MAGI2: variants seen among roughly 807,000 people sequenced by gnomAD.
The protein encoded by MAGI2 is membrane-associated guanylate kinase, WW and PDZ domain-containing protein 2.
In MAGI2, 35 loss-of-function variants were observed where a neutral mutation model predicts 133.3. That is an observed-to-expected ratio of 0.26 (90% CI 0.20 to 0.35). The LOEUF (loss-of-function observed/expected upper bound fraction) is 0.35, where lower values mean the gene tolerates loss of function less well. MAGI2 is among the 10% of genes least tolerant of loss of function. MAGI2 has a pLI of 1.00. For missense variants in MAGI2, 1,636 were observed against 1,863.4 expected, an observed-to-expected ratio of 0.88 and a Z score of 2.25; for synonymous variants, 729 against 710.6, an observed-to-expected ratio of 1.03 and a Z score of -0.41.
chr7:78,562,585 T>C (rs1800521671), intron 3 of MAGI2, among the ~76,000 whole-genome samples: 1 of 151,370 alleles, frequency 6.6e-6, no homozygotes, highest in Non-Finnish European at 1.5e-5. Context: ...ATCATCATGA[T>C]TCATTCTTTT....
At chr7:78,686,466 C>T (rs78400113) in intron 2 of MAGI2, among the ~76,000 whole-genome samples, 2,158 of 151,238 alleles carry the variant, frequency 0.014, 25 homozygotes, top group Middle Eastern at 0.062. Context: ...CTATAATAGC[C>T]GGATAGAGGT....
intron 1 of MAGI2, among the ~76,000 whole-genome samples, chr7:79,352,306 T>C (rs1841744863): frequency 6.6e-6 from 1 of 152,184 alleles, no homozygotes; most frequent in African/African-American, 2.4e-5. Context: ...AAATATTAAC[T>C]GAAAGGAAAT....
intron 1 of MAGI2, among the ~76,000 whole-genome samples, chr7:79,085,958 A>T (rs1434677597): frequency 6.6e-6 from 1 of 151,992 alleles, no homozygotes; most frequent in Admixed American, 6.6e-5. Flanking sequence ...GAGATGAGAA[A>T]TTAGGGTTTT....
chr7:78,111,926 G>A (rs1819405874), intron 20 of MAGI2, among the ~76,000 whole-genome samples: 1 of 152,172 alleles, frequency 6.6e-6, no homozygotes, highest in African/African-American at 2.4e-5. Flanking sequence ...TTGGGTGGAC[G>A]ATCTTTGCAA....
intron 2 of MAGI2, among the ~76,000 whole-genome samples, chr7:78,736,064 C>A (rs560396635): frequency 1.3e-5 from 2 of 152,208 alleles, no homozygotes; most frequent in African/African-American, 4.8e-5. Context: ...AAATATTATA[C>A]GAATTCATGA....
chr7:78,817,589 C>T (rs1022911481), intron 2 of MAGI2, among the ~76,000 whole-genome samples: 15 of 152,170 alleles, frequency 9.9e-5, no homozygotes, highest in African/African-American at 3.6e-4. Context: ...CCATTGGCAA[C>T]CAGATTATGA....
intron 1 of MAGI2, among the ~76,000 whole-genome samples, chr7:79,341,961 C>G (rs1396182089): frequency 1.3e-5 from 2 of 152,100 alleles, no homozygotes; most frequent in Non-Finnish European, 2.9e-5. Context: ...GAGTTCTGTT[C>G]CTCAGCTCCA....
intron 2 of MAGI2, among the ~76,000 whole-genome samples, chr7:78,848,566 G>C (rs73137301): frequency 0.089 from 13,509 of 151,962 alleles, 755 homozygotes; most frequent in Middle Eastern, 0.15. Flanking sequence ...TCTCTGACAT[G>C]ATCAAAAAGG....
At chr7:78,832,570 A>G (rs746719531) in intron 2 of MAGI2, among the ~76,000 whole-genome samples, 3 of 152,176 alleles carry the variant, frequency 2.0e-5, no homozygotes, top group Non-Finnish European at 2.9e-5. Flanking sequence ...TCTGGCCCAT[A>G]TGAATGCCAG....
rs141130290 is a variant in MAGI2 at position 78,410,502 on chromosome 7, G to T, written c.1046-41289C>A. Among the ~76,000 whole-genome samples the T allele has an allele frequency of 5.4e-3, 828 of 152,070 alleles. 6 individuals carry two copies. The highest frequency in any genetic ancestry group is 0.019 in the African/African-American group (788 of 41,526). ...TTCTCATTGCCCCCTTTTCCAGGAT[G>T]TGGATTCTAAATACTTTGGCTTTAA... On this transcript the variant is annotated intron_variant, in intron 6 of 21. Coordinates refer to ENST00000354212, the MANE Select transcript of MAGI2 (RefSeq NM_012301.4).
At chr7:78,780,738 TGTA>T (rs919379060) in intron 2 of MAGI2, among the ~76,000 whole-genome samples, 6 of 152,128 alleles carry the variant, frequency 3.9e-5, no homozygotes, top group African/African-American at 1.4e-4. Context: ...AGGTGTTAAT[TGTA>T]GTATTTGTCA....
intron 1 of MAGI2, among the ~76,000 whole-genome samples, chr7:79,191,153 G>C (rs1460068254): frequency 2.0e-5 from 3 of 151,298 alleles, no homozygotes; most frequent in Middle Eastern, 3.4e-3. Flanking sequence ...TTCCTAATTA[G>C]TTTGATACTT....
intron 3 of MAGI2, among the ~76,000 whole-genome samples, chr7:78,607,224 C>T (rs918888399): frequency 2.0e-5 from 3 of 152,154 alleles, no homozygotes; most frequent in Admixed American, 1.3e-4. Context: ...GAGAAAACAT[C>T]ACTCTGATTT....
chr7:79,161,882 G>A (rs543711191), intron 1 of MAGI2, among the ~76,000 whole-genome samples: 23 of 152,076 alleles, frequency 1.5e-4, no homozygotes, highest in Middle Eastern at 3.4e-3. Flanking sequence ...TTATTTTATC[G>A]AGGCTTAGAC....
At chr7:78,692,810 T>C (rs2190664) in intron 2 of MAGI2, among the ~76,000 whole-genome samples, 71,778 of 152,094 alleles carry the variant, frequency 0.47, 17,305 homozygotes, top group Non-Finnish European at 0.52. Context: ...AACCACTACT[T>C]AGTGATTATG....
intron 21 of MAGI2, among the ~76,000 whole-genome samples, chr7:78,070,333 T>G (rs78663736): frequency 1.4e-5 from 2 of 148,064 alleles, no homozygotes; most frequent in Admixed American, 1.3e-4. Flanking sequence ...AAGGAAGATA[T>G]GCTCAACCAT....
chr7:79,213,634 AG>A (rs1829705795), intron 1 of MAGI2, among the ~76,000 whole-genome samples: 1 of 152,064 alleles, frequency 6.6e-6, no homozygotes, highest in Non-Finnish European at 1.5e-5. Flanking sequence ...TATTTTTCTC[AG>A]GTTTAAAAAA....
rs142127358 is a variant in MAGI2 at position 79,206,675 on chromosome 7, CA to C, written c.302-199470del. ...AATCCCAATTATTCTCAAACTCTTC[CA>C]AAAAATTGAAAAGGAAGGACTACTT... On this transcript the variant is annotated intron_variant, in intron 1 of 21. Coordinates refer to ENST00000354212, the MANE Select transcript of MAGI2 (RefSeq NM_012301.4). Among the ~76,000 whole-genome samples the C allele has an allele frequency of 3.6e-4, 55 of 151,898 alleles. 1 individual carries two copies. The East Asian group carries it at 9.9e-3, about 27-fold the overall frequency.
chr7:78,471,427 C>G (rs1343542948), intron 6 of MAGI2, among the ~76,000 whole-genome samples: 1 of 152,020 alleles, frequency 6.6e-6, no homozygotes, highest in Non-Finnish European at 1.5e-5. Context: ...TCTTAGCACC[C>G]ACAAATTACT....
Sources: gnomAD v4.1 joint callset for allele counts (sites outside exome capture counted in the v4.1 genomes callset) on GRCh38, gnomAD v4.1.1 for gene constraint, MANE v1.5 for transcripts, NCBI Gene and HGNC (gene_info 2026-07-23, HGNC 2026-07-21) for gene names.